The following AGK variants were observed in gnomAD, a reference collection of about 807,000 sequenced individuals.
AGK encodes acylglycerol kinase, also known as acylglycerol kinase, mitochondrial.
AGK carries 52 observed loss-of-function variants against 66.4 expected under a neutral mutation model. That is an observed-to-expected ratio of 0.78 (90% confidence interval 0.63 to 0.99). The LOEUF (loss-of-function observed/expected upper bound fraction) is 0.99. Ranked by LOEUF, AGK falls within the 50% of genes least tolerant of loss-of-function variation. The probability of loss-of-function intolerance (pLI) is 0.00; values close to 1 mark genes in which losing one functional copy is unlikely to be tolerated. For missense variants in AGK, 451 were observed against 506.6 expected, an observed-to-expected ratio of 0.89 and a Z score of 1.05; for synonymous variants, 182 against 181.1, an observed-to-expected ratio of 1.00 and a Z score of -0.04.
intron 2 of AGK, among the ~76,000 whole-genome samples, chr7:141,568,797 A>G (rs1795526091): frequency 6.6e-6 from 1 of 151,776 alleles, no homozygotes; most frequent in South Asian, 2.1e-4. Context: ...GCTGGTCTTG[A>G]ACTCCTAACC....
rs1797642402 is a variant in AGK, at chr7:141,654,487, T to TAGAGCA, written c.*1563_*1564insAGAGCA. ...TATCATCAAGAATTATTAATGATGA[T>TAGAGCA]CTATCAACTAACAAACAACTTGATT... On this transcript the variant is annotated 3_prime_UTR_variant, in exon 16 of 16. Coordinates refer to ENST00000649286, the MANE Select transcript of AGK (RefSeq NM_018238.4). 1 of 152,250 alleles carries TAGAGCA rather than the reference T, an allele frequency of 6.6e-6. No homozygotes were observed. The highest frequency in any genetic ancestry group is 2.1e-4 in the South Asian group (1 of 4,828). 9.4% of individuals were successfully genotyped at this position (152,250 alleles called of 1,614,324 possible). A position where few individuals can be genotyped will look rare whatever the true frequency, so the allele number is the denominator to read the frequency against.
intron 5 of AGK, among the ~76,000 whole-genome samples, chr7:141,609,933 A>G (rs1796544245): frequency 6.6e-6 from 1 of 151,428 alleles, no homozygotes. Flanking sequence ...CCAGACATAC[A>G]TATGTATATA....
chr7:141,568,870 C>G lies in AGK; in HGVS notation c.101+13303C>G, dbSNP rs1795528333. Among the ~76,000 whole-genome samples, 2 of 152,158 alleles carry G rather than the reference C, an allele frequency of 1.3e-5. 1 individual carries two copies. The highest frequency in any genetic ancestry group is 4.1e-4 in the South Asian group (2 of 4,828). On this transcript the variant is annotated intron_variant, in intron 2 of 15. Transcript: ENST00000649286. ...GGATTACAGGCATGAGCCACCACGC[C>G]TGGCACCTCCCATTTATTTCTATGG...
At chr7:141,554,638 G>A (rs1003847183) in intron 1 of AGK, among the ~76,000 whole-genome samples, 2 of 152,166 alleles carry the variant, frequency 1.3e-5, no homozygotes, top group African/African-American at 4.8e-5. Flanking sequence ...TACTCTCATG[G>A]AGTTTACATT....
chr7:141,593,311 C>A, intron 3 of AGK, 126 bp downstream of exon 3: 1 of 855,516 alleles, frequency 1.2e-6, no homozygotes, highest in Non-Finnish European at 1.9e-6. Context: ...TTAGCACTAT[C>A]AGGATGAATC....
At chr7:141,637,075 G>A (rs1797191359) in intron 11 of AGK, 58 bp downstream of exon 11, 15 of 1,406,712 alleles carry the variant, frequency 1.1e-5, no homozygotes, top group Middle Eastern at 3.9e-4. Flanking sequence ...TCTCTGTAAT[G>A]CATATATTTG....
intron 9 of AGK, among the ~76,000 whole-genome samples, chr7:141,624,569 A>AG (rs1796895688): frequency 6.6e-6 from 1 of 152,184 alleles, no homozygotes; most frequent in Non-Finnish European, 1.5e-5. Flanking sequence ...ATTTCAGTGG[A>AG]GGAAGGAACT....
At chr7:141,583,509 G>A (rs1278615315) in intron 2 of AGK, among the ~76,000 whole-genome samples, 1 of 150,026 alleles carries the variant, frequency 6.7e-6, no homozygotes, top group Non-Finnish European at 1.5e-5. Flanking sequence ...TTGCCCCCCA[G>A]GAAAGTGGAG....
intron 2 of AGK, among the ~76,000 whole-genome samples, chr7:141,556,445 G>T (rs1330249381): frequency 6.6e-6 from 1 of 151,778 alleles, no homozygotes; most frequent in African/African-American, 2.4e-5. Flanking sequence ...GGAGGCTGAG[G>T]CAGGAGAATC....
intron 2 of AGK, among the ~76,000 whole-genome samples, chr7:141,574,434 T>G (rs1261294196): frequency 2.0e-5 from 3 of 152,150 alleles, no homozygotes; most frequent in Non-Finnish European, 4.4e-5. Context: ...GAACAGAAAT[T>G]GATATCTCGC....
At chr7:141,571,310 A>G (rs574284281) in intron 2 of AGK, among the ~76,000 whole-genome samples, 2 of 152,224 alleles carry the variant, frequency 1.3e-5, no homozygotes, top group Non-Finnish European at 2.9e-5. Flanking sequence ...GAGCTTTGCT[A>G]TTCACAGTGT....
At chr7:141,567,912 A>G (rs1454099317) in intron 2 of AGK, among the ~76,000 whole-genome samples, 2 of 152,216 alleles carry the variant, frequency 1.3e-5, no homozygotes, top group Non-Finnish European at 2.9e-5. Context: ...TAGGTTCTTC[A>G]TCTGTAAAAT....
At chr7:141,572,615 A>G (rs1378489934) in intron 2 of AGK, among the ~76,000 whole-genome samples, 1 of 152,184 alleles carries the variant, frequency 6.6e-6, no homozygotes, top group Non-Finnish European at 1.5e-5. Flanking sequence ...AATGCTAGTT[A>G]TTATTATTAC....
chr7:141,592,418 A>G (rs1796140722), intron 2 of AGK, among the ~76,000 whole-genome samples: 2 of 152,212 alleles, frequency 1.3e-5, no homozygotes, highest in South Asian at 4.1e-4. Context: ...CTCTGATCAC[A>G]ACCACGAAAC....
At chr7:141,575,052 T>C (rs1283321262) in intron 2 of AGK, among the ~76,000 whole-genome samples, 1 of 152,234 alleles carries the variant, frequency 6.6e-6, no homozygotes, top group African/African-American at 2.4e-5. Context: ...GGCTTTTTCC[T>C]AAACCCACTT....
chr7:141,553,667 T>C (rs1335314009), intron 1 of AGK, among the ~76,000 whole-genome samples: 1 of 152,200 alleles, frequency 6.6e-6, no homozygotes, highest in Non-Finnish European at 1.5e-5. Flanking sequence ...AGGAGTGATT[T>C]AGGGCCAGAT....
intron 9 of AGK, among the ~76,000 whole-genome samples, chr7:141,632,249 A>C (rs1032517029): frequency 1.3e-4 from 18 of 138,168 alleles, no homozygotes; most frequent in Non-Finnish European, 1.7e-4. Flanking sequence ...AAAAAACAAA[A>C]AAAACCCACA....
rs138573176 is a variant in AGK at position 141,606,641 on chromosome 7, A to C, written c.298-4554A>C. ...TCCTACAATTGATGAGCCATTATTC[A>C]TGCATTATTATTAACTCAAGTCCAT... is the stretch of plus-strand genomic sequence containing the variant. On this transcript the variant is annotated intron_variant, in intron 5 of 15. Transcript: ENST00000649286. 9.5e-4 allele frequency among the ~76,000 whole-genome samples: 144 copies of C among 152,296 alleles called. 2 individuals carry two copies. The East Asian group carries it at 0.025, about 27-fold the overall frequency.
rs1040292531 is a variant in AGK at position 141,654,078 on chromosome 7, G to C, written c.*1154G>C. On this transcript the variant is annotated 3_prime_UTR_variant, in exon 16 of 16. Coordinates refer to ENST00000649286, the MANE Select transcript of AGK (RefSeq NM_018238.4). ...TATCATAATGTAATCTATTATGCCCGACATCTTTTAATCATTCACCCCATT... is the reference window on the plus strand; with the variant it reads ...TATCATAATGTAATCTATTATGCCCCACATCTTTTAATCATTCACCCCATT... 2 of 151,692 alleles carry C rather than the reference G, an allele frequency of 1.3e-5. No individual in the cohort carries two copies. Among genetic ancestry groups the C allele is most frequent in the African/African-American group, 4.8e-5 (2 of 41,244 alleles). 9.4% of individuals were successfully genotyped at this position (151,692 alleles called of 1,614,324 possible).
Sources: allele counts gnomAD v4.1 joint callset (sites outside exome capture counted in the v4.1 genomes callset), GRCh38; gene constraint gnomAD v4.1.1; transcripts MANE v1.5; gene names NCBI Gene and HGNC (gene_info 2026-07-23, HGNC 2026-07-21).